Variants in WDR44 observed in about 807,000 individuals in gnomAD.
WDR44 encodes the protein WD repeat-containing protein 44.
A neutral mutation model predicts 65.7 loss-of-function variants in WDR44; 9 were observed. The observed-to-expected ratio is 0.14, with a 90% CI of 0.08 to 0.24. The LOEUF (loss-of-function observed/expected upper bound fraction) is 0.24, where lower values mean the gene tolerates loss of function less well. Ranked by LOEUF, WDR44 falls within the 10% of genes least tolerant of loss-of-function variation. WDR44 has a pLI of 1.00. For missense variants in WDR44, 425 were observed against 670.9 expected (o/e 0.63, Z 4.05); for synonymous variants, 220 against 235.2 (o/e 0.94, Z 0.59).
At chrX:118,401,978 A>G (rs1051417700) in intron 8 of WDR44, among the ~76,000 whole-genome samples, 1 of 109,534 alleles carries the variant, frequency 9.1e-6, no homozygotes, top group African/African-American at 3.3e-5. Flanking sequence ...CTCTATGTCT[A>G]TAGTTTGTCA....
At chrX:118,380,827 A>G (rs2056708343) in intron 2 of WDR44, among the ~76,000 whole-genome samples, 1 of 112,333 alleles carries the variant, frequency 8.9e-6, no homozygotes, top group Admixed American at 9.5e-5. Flanking sequence ...TACCTGAAAT[A>G]GCAGAGAAAA....
intron 1 of WDR44, among the ~76,000 whole-genome samples, chrX:118,368,483 T>TATATATATATATATC (rs1569359132): frequency 4.6e-5 from 4 of 87,633 alleles, no homozygotes; most frequent in African/African-American, 2.0e-4. Context: ...ATATATATAC[T>TATATATATATATATC]TCTTGAGGAC....
intron 2 of WDR44, among the ~76,000 whole-genome samples, chrX:118,384,089 G>C (rs1329565157): frequency 1.8e-5 from 2 of 108,527 alleles, no homozygotes; most frequent in Non-Finnish European, 3.8e-5. Flanking sequence ...TGTTGCCCAG[G>C]CTGGTCTCAA....
intron 8 of WDR44, among the ~76,000 whole-genome samples, chrX:118,402,177 G>A (rs1390539341): frequency 9.1e-6 from 1 of 109,678 alleles, no homozygotes; most frequent in African/African-American, 3.3e-5. Context: ...GCTCATGCCT[G>A]TAATCCAGCA....
At chrX:118,346,621 G>C in intron 1 of WDR44, 41 bp downstream of exon 1, 1 of 1,062,449 alleles carries the variant, frequency 9.4e-7, no homozygotes, top group Non-Finnish European at 1.3e-6. Flanking sequence ...GGCATCCCAA[G>C]CCCCCCGCAT....
intron 1 of WDR44, among the ~76,000 whole-genome samples, chrX:118,366,168 GA>G (rs59737207): frequency 2.7e-5 from 3 of 111,009 alleles, no homozygotes; most frequent in Non-Finnish European, 3.8e-5. Flanking sequence ...AATCTTAATA[GA>G]AAAAAAAGTT....
chrX:118,437,942 A>G (rs1295673850), intron 14 of WDR44, among the ~76,000 whole-genome samples: 1 of 111,000 alleles, frequency 9.0e-6, no homozygotes, highest in Non-Finnish European at 1.9e-5. Context: ...AGGCTGAGGC[A>G]AGAGAATCAC....
Position 118,371,640 on chromosome X carries a change from T to A in WDR44, c.78-6779T>A, listed in dbSNP as rs746229883. Among the ~76,000 whole-genome samples, 234 of 111,619 alleles carry A rather than the reference T, an allele frequency of 2.1e-3. 1 individual carries two copies. The highest frequency in any genetic ancestry group is 7.3e-3 in the African/African-American group (225 of 30,763). ...TTGTTCAACTTTGTAAGAAGCATAT[T>A]TATTATTTAAATAAATATTTATTGA... On this transcript the variant is annotated intron_variant, in intron 1 of 19. Coordinates refer to ENST00000254029, the MANE Select transcript of WDR44 (RefSeq NM_019045.5).
chrX:118,422,325 G>A (rs1015336481), intron 12 of WDR44, among the ~76,000 whole-genome samples: 12 of 111,293 alleles, frequency 1.1e-4, no homozygotes, highest in African/African-American at 3.6e-4. Flanking sequence ...GAGCTCAGGA[G>A]TTTGAGGTTA....
chrX:118,435,449 T>C (rs1168575981), intron 13 of WDR44, among the ~76,000 whole-genome samples: 1 of 111,404 alleles, frequency 9.0e-6, no homozygotes. Context: ...CAGCTAATTT[T>C]TTTTTTTATT....
At chrX:118,432,019 C>T (rs2057216214) in intron 12 of WDR44, among the ~76,000 whole-genome samples, 1 of 111,735 alleles carries the variant, frequency 8.9e-6, no homozygotes. Flanking sequence ...TAACTAGATG[C>T]ACAGTACACA....
At chrX:118,363,175 A>T (rs768397793) in intron 1 of WDR44, among the ~76,000 whole-genome samples, 18 of 109,236 alleles carry the variant, frequency 1.6e-4, no homozygotes, top group South Asian at 1.6e-3. Flanking sequence ...AGGCAGGCAG[A>T]TCACCTGAGG....
intron 8 of WDR44, 68 bp from the exon 9 acceptor site, chrX:118,404,270 T>TA (rs2056943952): frequency 2.6e-6 from 2 of 782,090 alleles, no homozygotes; most frequent in East Asian, 3.2e-5. Context: ...TCACAGCTGA[T>TA]ACATTTGTCT....
intron 12 of WDR44, among the ~76,000 whole-genome samples, chrX:118,432,004 C>T (rs4825581): frequency 0.33 from 36,355 of 110,708 alleles, 4,483 homozygotes; most frequent in African/African-American, 0.4. Flanking sequence ...TACGAAAGCA[C>T]GTTGTAACTA....
At chrX:118,370,095 A>G (rs2056601554) in intron 1 of WDR44, among the ~76,000 whole-genome samples, 1 of 112,143 alleles carries the variant, frequency 8.9e-6, no homozygotes, top group African/African-American at 3.2e-5. Context: ...AGTCTAGGCA[A>G]TGATATTTTG....
At chrX:118,445,899 G>A (rs1358057425) in intron 19 of WDR44, among the ~76,000 whole-genome samples, 2 of 108,287 alleles carry the variant, frequency 1.8e-5, no homozygotes, top group Non-Finnish European at 3.8e-5. Flanking sequence ...GCGTGGTAGT[G>A]CACGCCTGCA....
chrX:118,382,228 G>A (rs72607626), intron 2 of WDR44, among the ~76,000 whole-genome samples: 1 of 110,264 alleles, frequency 9.1e-6, no homozygotes, highest in Non-Finnish European at 1.9e-5. Context: ...TGCCAAGGTG[G>A]TTTTTTTGTT....
chrX:118,409,652 T>C (rs1569373524), intron 11 of WDR44, 25 bp downstream of exon 11: 5 of 1,154,878 alleles, frequency 4.3e-6, no homozygotes, highest in Non-Finnish European at 2.3e-6. Context: ...TTTAAAAATC[T>C]ACAGAAACCT....
chrX:118,438,802 T>TTTGTTTTTTTG (rs1428658239), intron 14 of WDR44, among the ~76,000 whole-genome samples: 4 of 96,134 alleles, frequency 4.2e-5, no homozygotes, highest in African/African-American at 1.5e-4. Flanking sequence ...GCCATGTTTT[T>TTTGTTTTTTTG]TTTTTTTTTT....
Sources: gnomAD v4.1 joint callset for allele counts (sites outside exome capture counted in the v4.1 genomes callset) on GRCh38, gnomAD v4.1.1 for gene constraint, MANE v1.5 for transcripts, NCBI Gene and HGNC (gene_info 2026-07-23, HGNC 2026-07-21) for gene names.